Variants in PCSK5 observed in about 807,000 individuals in gnomAD.
The protein encoded by PCSK5 is prohormone convertase 5.
Under a neutral mutation model 233.2 loss-of-function variants are expected in PCSK5, and 129 were observed. The observed-to-expected ratio is 0.55, with a 90% confidence interval of 0.48 to 0.64. The LOEUF is 0.64. Ranked by LOEUF, PCSK5 falls within the 30% of genes least tolerant of loss-of-function variation. PCSK5 has a pLI of 0.00. For synonymous variants in PCSK5, 825 were observed against 879.2 expected (o/e 0.94, Z 1.09); for missense variants, 2,076 against 2,430.1 (o/e 0.85, Z 3.06).
chr9:76,099,033 T>C (rs1342630391), intron 8 of PCSK5, among the ~76,000 whole-genome samples: 1 of 152,202 alleles, frequency 6.6e-6, no homozygotes, highest in Non-Finnish European at 1.5e-5. Flanking sequence ...CATATACTTT[T>C]CCCCAATTTT....
rs774518843 is a variant in PCSK5, at chr9:76,358,948, C to A, written c.*26C>A. ...ACAGGCACTCCCCCACCAACACCAC[C>A]ATTCCACTCTCAGGCATGCCTGTGA... is the stretch of plus-strand genomic sequence containing the variant. On this transcript the variant is annotated 3_prime_UTR_variant, in exon 38 of 38. Coordinates refer to ENST00000674117, the MANE Select transcript of PCSK5 (RefSeq NM_001372043.1). 6.3e-7 allele frequency: 1 copy of A among 1,597,810 alleles called. No individual in the cohort carries two copies. The highest frequency in any genetic ancestry group is 1.1e-5 in the South Asian group (1 of 89,432).
chr9:76,073,024 C>T (rs1830531615), intron 7 of PCSK5, among the ~76,000 whole-genome samples: 1 of 152,230 alleles, frequency 6.6e-6, no homozygotes, highest in Admixed American at 6.5e-5. Flanking sequence ...TTGTGCTCCA[C>T]ACATCTTCAT....
At chr9:76,255,977 C>G (rs1397228465) in intron 24 of PCSK5, among the ~76,000 whole-genome samples, 1 of 152,228 alleles carries the variant, frequency 6.6e-6, no homozygotes, top group Non-Finnish European at 1.5e-5. Flanking sequence ...TCCAAACCCA[C>G]AGACCAACCA....
chr9:76,323,712 A>T (rs2842467), intron 32 of PCSK5, among the ~76,000 whole-genome samples: 1 of 151,932 alleles, frequency 6.6e-6, no homozygotes, highest in Non-Finnish European at 1.5e-5. Context: ...TAAATGAATC[A>T]CTCATAAGCT....
intron 7 of PCSK5, among the ~76,000 whole-genome samples, chr9:76,085,890 T>A (rs1831044429): frequency 6.6e-6 from 1 of 152,234 alleles, no homozygotes; most frequent in Admixed American, 6.5e-5. Flanking sequence ...CCATTATTGC[T>A]GGAATATCCC....
At chr9:75,902,591 G>A (rs1391186541) in intron 1 of PCSK5, among the ~76,000 whole-genome samples, 1 of 152,184 alleles carries the variant, frequency 6.6e-6, no homozygotes, top group Admixed American at 6.5e-5. Flanking sequence ...AGATGCAGGT[G>A]AGACGACCAG....
intron 3 of PCSK5, among the ~76,000 whole-genome samples, chr9:75,998,039 C>A (rs1285008218): frequency 6.6e-6 from 1 of 152,148 alleles, no homozygotes; most frequent in African/African-American, 2.4e-5. Context: ...TCAGGTAGCA[C>A]AGAACTGTGT....
intron 34 of PCSK5, among the ~76,000 whole-genome samples, chr9:76,335,052 TG>T (rs1829637902): frequency 6.6e-6 from 1 of 152,210 alleles, no homozygotes; most frequent in Non-Finnish European, 1.5e-5. Context: ...CACTCCAGCC[TG>T]GGCAACAGAA....
chr9:76,059,918 C>A (rs1279860741), intron 5 of PCSK5, among the ~76,000 whole-genome samples: 1 of 152,118 alleles, frequency 6.6e-6, no homozygotes, highest in Non-Finnish European at 1.5e-5. Flanking sequence ...TGGAATGACA[C>A]TTTTGAAGTG....
chr9:75,900,414 C>T (rs1215264252), intron 1 of PCSK5, among the ~76,000 whole-genome samples: 1 of 152,158 alleles, frequency 6.6e-6, no homozygotes, highest in Non-Finnish European at 1.5e-5. Context: ...TGAAGAGGCT[C>T]ATGCCTGTAA....
In PCSK5 at chr9:76,176,027, A is replaced by AC. The variant is rs1356611044; in HGVS notation, c.1900+898_1900+899insC. Among the ~76,000 whole-genome samples, 7 of 152,080 alleles carry AC rather than the reference A, an allele frequency of 4.6e-5. No homozygotes were observed. In the East Asian group the frequency reaches 1.3e-3, roughly 29 times the overall value. ...TTGGTTTGTGTTGTTTTGACAAAAAAAAAAACTATTAGAGGCTGGGGTTTA... is the reference window on the plus strand; with the variant it reads ...TTGGTTTGTGTTGTTTTGACAAAAAACAAAAACTATTAGAGGCTGGGGTTTA... On this transcript the variant is annotated intron_variant, in intron 14 of 37. Transcript: ENST00000674117.
At chr9:76,146,495 T>TATAA (rs966920141) in intron 10 of PCSK5, among the ~76,000 whole-genome samples, 25 of 149,562 alleles carry the variant, frequency 1.7e-4, no homozygotes, top group Admixed American at 1.2e-3. Context: ...AAGTCCAACA[T>TATAA]ATAAATAAAT....
At chr9:76,303,636 G>C (rs536547957) in intron 28 of PCSK5, among the ~76,000 whole-genome samples, 1 of 152,322 alleles carries the variant, frequency 6.6e-6, no homozygotes, top group African/African-American at 2.4e-5. Context: ...CAGCCATTCA[G>C]TGAGCATCTG....
intron 3 of PCSK5, among the ~76,000 whole-genome samples, chr9:75,995,986 A>T (rs537205474): frequency 7.2e-5 from 11 of 152,228 alleles, no homozygotes; most frequent in African/African-American, 2.6e-4. Flanking sequence ...TTCCTTGATG[A>T]GTTTAGACCT....
chr9:75,966,396 T>C (rs1825587874), intron 2 of PCSK5, among the ~76,000 whole-genome samples: 1 of 152,214 alleles, frequency 6.6e-6, no homozygotes, highest in Non-Finnish European at 1.5e-5. Context: ...ATCATGGTTG[T>C]CAGCTGAAGT....
chr9:76,092,164 A>G (rs1831318156), intron 7 of PCSK5, among the ~76,000 whole-genome samples: 1 of 152,116 alleles, frequency 6.6e-6, no homozygotes, highest in South Asian at 2.1e-4. Context: ...AGGGCAAAAG[A>G]TACATCTATT....
chr9:76,204,289 G>A (rs376812416), intron 20 of PCSK5, among the ~76,000 whole-genome samples: 173 of 152,204 alleles, frequency 1.1e-3, no homozygotes, highest in African/African-American at 4.0e-3. Context: ...AGAAGCTAAA[G>A]TGACTTTTCA....
At chr9:76,214,530 A>G (rs11790666) in intron 20 of PCSK5, among the ~76,000 whole-genome samples, 18,856 of 152,166 alleles carry the variant, frequency 0.12, 1,532 homozygotes, top group Non-Finnish European at 0.18. Flanking sequence ...TTAACAGACC[A>G]CTAATGTCTC....
At chr9:76,014,726 T>C (rs1461593137) in intron 3 of PCSK5, among the ~76,000 whole-genome samples, 1 of 152,210 alleles carries the variant, frequency 6.6e-6, no homozygotes, top group East Asian at 1.9e-4. Context: ...CATATTAGAA[T>C]AATCAACAAC....
Sources: gnomAD v4.1 joint callset for allele counts (sites outside exome capture counted in the v4.1 genomes callset) on GRCh38, gnomAD v4.1.1 for gene constraint, MANE v1.5 for transcripts, NCBI Gene and HGNC (gene_info 2026-07-23, HGNC 2026-07-21) for gene names.